The following PTPRD variants were observed in gnomAD, a reference collection of about 807,000 sequenced individuals.
PTPRD encodes protein tyrosine phosphatase receptor type D, also known as receptor-type tyrosine-protein phosphatase delta.
A neutral mutation model predicts 214.5 loss-of-function variants in PTPRD; 34 were observed. That is an observed-to-expected ratio of 0.16 (90% CI 0.12 to 0.21). PTPRD has a LOEUF of 0.21. Ranked by LOEUF, PTPRD falls within the 10% of genes least tolerant of loss-of-function variation. The probability of loss-of-function intolerance (pLI) is 1.00; values close to 1 mark genes in which losing one functional copy is unlikely to be tolerated. For synonymous variants in PTPRD, 1,128 were observed against 845.7 expected (o/e 1.33, Z -5.79); for missense variants, 2,545 against 2,398.7 (o/e 1.06, Z -1.27).
chr9:9,235,931 G>A (rs1052546067), intron 9 of PTPRD, among the ~76,000 whole-genome samples: 43 of 152,124 alleles, frequency 2.8e-4, no homozygotes, highest in African/African-American at 9.4e-4. Flanking sequence ...GAACTTATTA[G>A]TCTGAGTCAA....
At chr9:9,697,468 T>A (rs1000999364) in intron 7 of PTPRD, among the ~76,000 whole-genome samples, 1 of 152,040 alleles carries the variant, frequency 6.6e-6, no homozygotes, top group African/African-American at 2.4e-5. Context: ...TGTTTCAGAG[T>A]TTTCATTTTT....
Position 8,504,390 on chromosome 9 carries a change from C to T in PTPRD, c.1693G>A (p.Glu565Lys). ...TGCAGCCTATATGATGTCCCTGGCT[C>T]AATGGTAATTCGTTGCTGGAAGCAA... ...EHGEEQRITIEPGTSYRLQGL... is the reference protein window; with the variant it reads ...EHGEEQRITIKPGTSYRLQGL... The change falls in exon 23 of 46, where the codon GAG becomes AAG. Residue 565 changes from glutamate to lysine, a missense_variant. By Grantham distance (56) the Glu-to-Lys change is moderately conservative (BLOSUM62 1). Transcript: ENST00000381196. 1 of 1,614,012 alleles carries T rather than the reference C, an allele frequency of 6.2e-7. No individual in the cohort carries two copies. Among genetic ancestry groups the T allele is most frequent in the Non-Finnish European group, 8.5e-7 (1 of 1,179,976 alleles).
chr9:9,139,968 G>A (rs1316299187), intron 10 of PTPRD, among the ~76,000 whole-genome samples: 1 of 152,010 alleles, frequency 6.6e-6, no homozygotes, highest in Non-Finnish European at 1.5e-5. Flanking sequence ...TTACGGAAAT[G>A]GTGGGAATAT....
At chr9:10,361,638 A>T (rs1405615550) in intron 2 of PTPRD, among the ~76,000 whole-genome samples, 1 of 152,180 alleles carries the variant, frequency 6.6e-6, no homozygotes, top group Non-Finnish European at 1.5e-5. Context: ...CTACTTGGAA[A>T]AGAAACAAAA....
chr9:9,554,882 T>G (rs2081142366), intron 8 of PTPRD, among the ~76,000 whole-genome samples: 1 of 152,112 alleles, frequency 6.6e-6, no homozygotes, highest in Admixed American at 6.6e-5. Flanking sequence ...ATTCAATTAT[T>G]CAATGAAATA....
chr9:9,618,577 T>A (rs530110260), intron 7 of PTPRD, among the ~76,000 whole-genome samples: 1 of 151,994 alleles, frequency 6.6e-6, no homozygotes, highest in East Asian at 1.9e-4. Flanking sequence ...GAAAGAAGGA[T>A]CTTAATCTTT....
At chr9:10,368,063 G>GT (rs1169516047) in intron 2 of PTPRD, among the ~76,000 whole-genome samples, 1 of 152,068 alleles carries the variant, frequency 6.6e-6, no homozygotes, top group African/African-American at 2.4e-5. Flanking sequence ...TATAGCAGGT[G>GT]TTTTCAACCA....
intron 7 of PTPRD, among the ~76,000 whole-genome samples, chr9:9,662,735 C>G (rs561527925): frequency 1.3e-5 from 2 of 151,508 alleles, no homozygotes; most frequent in East Asian, 3.9e-4. Context: ...AAGGCTTGTC[C>G]GTTTTTAGAA....
At chr9:8,735,868 T>A (rs2090189731) in intron 11 of PTPRD, among the ~76,000 whole-genome samples, 1 of 143,970 alleles carries the variant, frequency 6.9e-6, no homozygotes, top group African/African-American at 2.6e-5. Flanking sequence ...GCCAAGGTCC[T>A]GCCACTGCAC....
At chr9:10,234,084 G>A (rs1564691633) in intron 3 of PTPRD, among the ~76,000 whole-genome samples, 1 of 151,422 alleles carries the variant, frequency 6.6e-6, no homozygotes, top group Non-Finnish European at 1.5e-5. Flanking sequence ...GAAACCCTGT[G>A]TCTACTAATA....
intron 11 of PTPRD, among the ~76,000 whole-genome samples, chr9:9,006,631 G>A (rs1048164815): frequency 4.6e-5 from 7 of 151,894 alleles, no homozygotes; most frequent in African/African-American, 9.7e-5. Flanking sequence ...ATGATATTAC[G>A]TAAGCATCTG....
chr9:8,560,780 A>G (rs2085917317), intron 14 of PTPRD, among the ~76,000 whole-genome samples: 1 of 152,224 alleles, frequency 6.6e-6, no homozygotes, highest in Admixed American at 6.5e-5. Context: ...GTTCTTCACA[A>G]CAGGGTTATC....
intron 14 of PTPRD, among the ~76,000 whole-genome samples, chr9:8,588,518 C>T (rs1376933873): frequency 6.6e-6 from 1 of 152,022 alleles, no homozygotes; most frequent in Admixed American, 6.5e-5. Flanking sequence ...TAGCTCTTTG[C>T]TTTATTATAG....
intron 10 of PTPRD, among the ~76,000 whole-genome samples, chr9:9,057,742 A>G (rs1022475916): frequency 6.6e-6 from 1 of 152,272 alleles, no homozygotes; most frequent in East Asian, 1.9e-4. Context: ...GAGATTCCCA[A>G]TTCTTGGTTA....
chr9:9,905,714 G>C (rs1306459185), intron 5 of PTPRD, among the ~76,000 whole-genome samples: 1 of 151,830 alleles, frequency 6.6e-6, no homozygotes, highest in Non-Finnish European at 1.5e-5. Context: ...TAATACAGAA[G>C]AATTCAAGAC....
chr9:8,994,582 GA>G (rs2099389459), intron 11 of PTPRD, among the ~76,000 whole-genome samples: 1 of 152,056 alleles, frequency 6.6e-6, no homozygotes, highest in Non-Finnish European at 1.5e-5. Flanking sequence ...AGGGCAGTGG[GA>G]AAGGATTTTG....
rs2133788 is a variant in PTPRD, at chr9:8,376,656, T to A, written c.4457A>T (p.Asp1486Val). 6.2e-7 allele frequency: 1 copy of A among 1,613,148 alleles called. No individual in the cohort carries two copies. The highest frequency in any genetic ancestry group is 1.1e-5 in the South Asian group (1 of 91,070). Residue 1486 changes from aspartate to valine, a missense_variant, in exon 38 of 46, where the codon GAT becomes GTT. Asp to Val is a radical substitution (Grantham distance 152). Transcript: ENST00000381196. ...ACAATATGTGGCCAGCTCCACAGTA[T>A]CAAGCAGCGTTACTTGAACGAGTCC... ...THGLVQVTLL[D>V]TVELATYCVR...
At chr9:9,729,024 A>C (rs2098139728) in intron 7 of PTPRD, among the ~76,000 whole-genome samples, 1 of 152,160 alleles carries the variant, frequency 6.6e-6, no homozygotes, top group Non-Finnish European at 1.5e-5. Context: ...GAATTATTTC[A>C]AAGTCTAAAA....
chr9:9,879,723 T>A lies in PTPRD; in HGVS notation c.-368+58784A>T, dbSNP rs964727818. Among the ~76,000 whole-genome samples, 9 of 152,168 alleles carry A rather than the reference T, an allele frequency of 5.9e-5. No homozygotes were observed. The South Asian group carries it at 1.2e-3, about 21-fold the overall frequency. On this transcript the variant is annotated intron_variant, in intron 5 of 45. Coordinates refer to ENST00000381196, the MANE Select transcript of PTPRD (RefSeq NM_002839.4). ...CCTCAAGATCAAGAGGTGAGATGTC[T>A]CTGAGATAAGATCAGATCATCCCCA...
Sources: allele counts gnomAD v4.1 joint callset (sites outside exome capture counted in the v4.1 genomes callset), GRCh38; gene constraint gnomAD v4.1.1; transcripts MANE v1.5; gene names NCBI Gene and HGNC (gene_info 2026-07-23, HGNC 2026-07-21).